The following ADGRB1 variants were observed in gnomAD, a reference collection of about 807,000 sequenced individuals.
The protein encoded by ADGRB1 is brain-specific angiogenesis inhibitor 1.
A neutral mutation model predicts 175.7 loss-of-function variants in ADGRB1; 36 were observed. That is an observed-to-expected ratio of 0.20 (90% CI 0.16 to 0.27). ADGRB1 has a LOEUF of 0.27. ADGRB1 is among the 10% of genes least tolerant of loss of function. The probability of loss-of-function intolerance (pLI) is 1.00; values close to 1 mark genes in which losing one functional copy is unlikely to be tolerated. For synonymous variants in ADGRB1, 1,054 were observed against 979.4 expected (o/e 1.08, Z -1.42); for missense variants, 1,731 against 2,255.3 (o/e 0.77, Z 4.71).
intron 23 of ADGRB1, among the ~76,000 whole-genome samples, chr8:142,526,085 T>C (rs1844165512): frequency 6.6e-6 from 1 of 151,908 alleles, no homozygotes; most frequent in Non-Finnish European, 1.5e-5. Flanking sequence ...CCAGGGCCCT[T>C]ATGGGGTGGG....
At chr8:142,523,673 G>A (rs1844002474) in intron 22 of ADGRB1, among the ~76,000 whole-genome samples, 1 of 151,736 alleles carries the variant, frequency 6.6e-6, no homozygotes, top group South Asian at 2.1e-4. Context: ...ATGACATGAG[G>A]TAGGCTGCTC....
chr8:142,519,950 A>ATGG (rs371205058), intron 19 of ADGRB1, among the ~76,000 whole-genome samples: 1 of 82,748 alleles, frequency 1.2e-5, no homozygotes, highest in South Asian at 4.6e-4. Context: ...TGATGGCGTG[A>ATGG]TGGTGGTGGT....
intron 18 of ADGRB1, among the ~76,000 whole-genome samples, chr8:142,512,526 C>T (rs1348490892): frequency 6.6e-6 from 1 of 152,202 alleles, no homozygotes; most frequent in Non-Finnish European, 1.5e-5. Context: ...GTGTGTGCCC[C>T]ATCTGCCCCT....
intron 18 of ADGRB1, among the ~76,000 whole-genome samples, chr8:142,516,609 T>G (rs189601593): frequency 0.013 from 1,641 of 130,558 alleles, 57 homozygotes; most frequent in East Asian, 0.096. Flanking sequence ...AGGCCACAGG[T>G]GTGTGTGTGT....
intron 17 of ADGRB1, among the ~76,000 whole-genome samples, chr8:142,502,634 G>A (rs1254926218): frequency 2.5e-5 from 2 of 80,614 alleles, no homozygotes; most frequent in Non-Finnish European, 4.5e-5. Flanking sequence ...AGATGGGGAC[G>A]GTGACGGTGG....
In ADGRB1 at chr8:142,504,852, C is replaced by T. The variant is rs1426828279; in HGVS notation, c.2676-6080C>T. ...CAGAGACACCATTTCCACTCCCTGC[C>T]TAGCGCCTGAACTCCCCCACTGCGG... On this transcript the variant is annotated intron_variant, in intron 17 of 30. Coordinates refer to ENST00000517894, the MANE Select transcript of ADGRB1 (RefSeq NM_001702.3). The surrounding 1 kb of genome is among the most constrained non-coding windows in gnomAD (Gnocchi z 5.6). Among the ~76,000 whole-genome samples, 2 of 152,220 alleles carry T rather than the reference C, an allele frequency of 1.3e-5. No homozygotes were observed. Among genetic ancestry groups the T allele is most frequent in the East Asian group, 1.9e-4 (1 of 5,170 alleles).
intron 1 of ADGRB1, among the ~76,000 whole-genome samples, chr8:142,452,271 G>C (rs2131606786): frequency 6.6e-6 from 1 of 152,332 alleles, no homozygotes; most frequent in East Asian, 1.9e-4. Context: ...GGATGCGCCA[G>C]AGAGGCGCGC....
At chr8:142,458,222 C>T (rs891669863) in intron 1 of ADGRB1, among the ~76,000 whole-genome samples, 1 of 152,178 alleles carries the variant, frequency 6.6e-6, no homozygotes, top group Non-Finnish European at 1.5e-5. Flanking sequence ...GGAGGAGCCC[C>T]AGTGCCCCTG....
chr8:142,481,827 C>T, intron 11 of ADGRB1, 116 bp downstream of exon 11: 1 of 940,764 alleles, frequency 1.1e-6, no homozygotes, highest in South Asian at 1.9e-5. Flanking sequence ...TAACCCATGT[C>T]ATAGGTTGAA....
Position 142,474,890 on chromosome 8 carries a change from G to A in ADGRB1, c.785-584G>A, listed in dbSNP as rs915369206. Among the ~76,000 whole-genome samples, 1 of 152,110 alleles carries A rather than the reference G, an allele frequency of 6.6e-6. No homozygotes were observed. The highest frequency in any genetic ancestry group is 1.5e-5 in the Non-Finnish European group (1 of 68,004). The stretch of plus-strand genomic sequence containing the variant: ...GCAGGCTCCGTCAGGCTGTGCCCTG[G>A]GTTCGAGGCCCTGGTTGGACACCAG... On this transcript the variant is annotated intron_variant, in intron 2 of 30. Coordinates refer to ENST00000517894, the MANE Select transcript of ADGRB1 (RefSeq NM_001702.3). This position sits in a 1 kb window ranked among gnomAD's most constrained non-coding sequence, Gnocchi z 5.8.
In ADGRB1 at chr8:142,474,730, G is replaced by A. The variant is rs1053338223; in HGVS notation, c.785-744G>A. Reference sequence around the variant, plus strand: ...GTCCATGAAGGCCGCGGGGACTGTCGGGGCAGGGATGGAGAAAGACTCACT... The same window carrying A: ...GTCCATGAAGGCCGCGGGGACTGTCAGGGCAGGGATGGAGAAAGACTCACT... On this transcript the variant is annotated intron_variant, in intron 2 of 30. Coordinates refer to ENST00000517894, the MANE Select transcript of ADGRB1 (RefSeq NM_001702.3). The surrounding 1 kb of genome is among the most constrained non-coding windows in gnomAD (Gnocchi z 5.8). Among the ~76,000 whole-genome samples, 2 of 152,256 alleles carry A rather than the reference G, an allele frequency of 1.3e-5. No homozygotes were observed. The highest frequency in any genetic ancestry group is 2.4e-5 in the African/African-American group (1 of 41,554).
chr8:142,485,823 G>A (rs1053644125), intron 13 of ADGRB1, among the ~76,000 whole-genome samples: 57 of 152,332 alleles, frequency 3.7e-4, no homozygotes, highest in African/African-American at 1.3e-3. Flanking sequence ...GTCACTGAAG[G>A]GGTAATCTAT....
In ADGRB1 at chr8:142,522,152, C is replaced by A. The variant is rs117504037; in HGVS notation, c.3175+37C>A. On this transcript the variant is annotated intron_variant, in intron 21 of 30. Transcript: ENST00000517894. ...CCTTCCCGACCCTCCTGGACAGATACCCTTCCTCCCCCACTGCTTGTTCTG... is the reference window on the plus strand; with the variant it reads ...CCTTCCCGACCCTCCTGGACAGATAACCTTCCTCCCCCACTGCTTGTTCTG... 618 of 1,590,944 alleles carry A rather than the reference C, an allele frequency of 3.9e-4. 1 individual carries two copies. The highest frequency in any genetic ancestry group is 4.9e-4 in the Non-Finnish European group (572 of 1,172,122).
chr8:142,528,426 T>C (rs78457292), intron 24 of ADGRB1, among the ~76,000 whole-genome samples: 6,851 of 152,224 alleles, frequency 0.045, 499 homozygotes, highest in African/African-American at 0.16. Context: ...GGACCGTCCC[T>C]GTTGGGGCCC....
chr8:142,504,669 A>G lies in ADGRB1; in HGVS notation c.2676-6263A>G, dbSNP rs1290080132. ...GTCTTGATCTATGGCCAAGAAGTCA[A>G]TGGGCAGAGGTGGGAGCCAGGCACT... is the stretch of plus-strand genomic sequence containing the variant. On this transcript the variant is annotated intron_variant, in intron 17 of 30. Coordinates refer to ENST00000517894, the MANE Select transcript of ADGRB1 (RefSeq NM_001702.3). This position sits in a 1 kb window ranked among gnomAD's most constrained non-coding sequence, Gnocchi z 5.6. 2.0e-5 allele frequency among the ~76,000 whole-genome samples: 3 copies of G among 152,084 alleles called. No homozygotes were observed. The highest frequency in any genetic ancestry group is 7.2e-5 in the African/African-American group (3 of 41,408).
At chr8:142,526,434 TG>T (rs1844194852) in intron 23 of ADGRB1, 107 bp from the exon 24 acceptor site, 1 of 997,398 alleles carries the variant, frequency 1.0e-6, no homozygotes, top group Admixed American at 2.0e-5. Flanking sequence ...TGACCCTGGG[TG>T]GGGTAGGGGG....
At chr8:142,458,243 C>T (rs1297282741) in intron 1 of ADGRB1, among the ~76,000 whole-genome samples, 1 of 152,158 alleles carries the variant, frequency 6.6e-6, no homozygotes, top group Admixed American at 6.5e-5. Flanking sequence ...AGAGAAGGGC[C>T]TTGGACAGCA....
intron 1 of ADGRB1, among the ~76,000 whole-genome samples, chr8:142,454,077 G>T (rs564428175): frequency 6.6e-6 from 1 of 152,164 alleles, no homozygotes; most frequent in Non-Finnish European, 1.5e-5. Flanking sequence ...GGAGGGTCTC[G>T]AACAGGGTTG....
intron 1 of ADGRB1, among the ~76,000 whole-genome samples, chr8:142,457,456 G>C (rs1239055356): frequency 2.0e-5 from 3 of 152,196 alleles, no homozygotes; most frequent in Non-Finnish European, 4.4e-5. Context: ...GATTCTTTGG[G>C]CACCCCTGTG....
Sources: gnomAD v4.1 joint callset for allele counts (sites outside exome capture counted in the v4.1 genomes callset) on GRCh38, gnomAD v4.1.1 for gene constraint, Gnocchi (gnomAD v3.1) non-coding constraint, MANE v1.5 for transcripts, NCBI Gene and HGNC (gene_info 2026-07-23, HGNC 2026-07-21) for gene names.